The following TOGARAM2 variants were observed in gnomAD, a reference collection of about 807,000 sequenced individuals.
The protein encoded by TOGARAM2 is TOG array regulator of axonemal microtubules 2.
Under a neutral mutation model 93.3 loss-of-function variants are expected in TOGARAM2, and 85 were observed. The ratio of observed to expected loss-of-function variants is 0.91; its 90% CI spans 0.76 to 1.09. The LOEUF is 1.09. TOGARAM2 is among the 50% of genes least tolerant of loss of function. The pLI, the probability that TOGARAM2 is intolerant of heterozygous loss-of-function variation, is 0.00. For synonymous variants in TOGARAM2, 593 were observed against 552.8 expected, an observed-to-expected ratio of 1.07 and a Z score of -1.02; for missense variants, 1,277 against 1,334.5, an observed-to-expected ratio of 0.96 and a Z score of 0.67.
chr2:29,029,221 G>A (rs1307263382), intron 14 of TOGARAM2, among the ~76,000 whole-genome samples: 1 of 151,658 alleles, frequency 6.6e-6, no homozygotes, highest in East Asian at 1.9e-4. Context: ...ATCAATCAAC[G>A]AGTGGCTAAA....
chr2:29,036,075 T>A (rs1168004991), intron 17 of TOGARAM2, among the ~76,000 whole-genome samples: 1 of 152,098 alleles, frequency 6.6e-6, no homozygotes, highest in East Asian at 1.9e-4. Flanking sequence ...TGCCTGCTTC[T>A]TGGTGGACTG....
In TOGARAM2 at chr2:29,048,535, C is replaced by T. The variant is rs997646349; in HGVS notation, c.2722+3125C>T. ...CCCAGTCCCTGGCAACCACCAACTA[C>T]TTTCTGTCTCTACGATTTTGGCTAT... On this transcript the variant is annotated intron_variant, in intron 19 of 19. Transcript: ENST00000379558. The T allele has an allele frequency of 3.3e-5, 5 of 152,170 alleles. No homozygotes were observed. In the East Asian group the frequency reaches 5.8e-4, roughly 18 times the overall value. The allele number at this position is 152,170 out of a possible 1,614,324, so 9.4% of individuals were successfully genotyped here.
upstream of TOGARAM2, among the ~76,000 whole-genome samples, chr2:28,977,430 TA>T (rs1672053500): frequency 6.6e-6 from 1 of 152,092 alleles, no homozygotes; most frequent in Non-Finnish European, 1.5e-5. Flanking sequence ...TCCTGGTTTA[TA>T]AGGGGGCAAC....
Position 29,029,619 on chromosome 2 carries a change from G to A in TOGARAM2, c.2012+2608G>A, listed in dbSNP as rs371074266. Among the ~76,000 whole-genome samples, 4 of 150,058 alleles carry A rather than the reference G, an allele frequency of 2.7e-5. No individual in the cohort carries two copies. In the East Asian group the frequency reaches 5.8e-4, roughly 22 times the overall value. On this transcript the variant is annotated intron_variant, in intron 14 of 19. Coordinates refer to ENST00000379558, the MANE Select transcript of TOGARAM2 (RefSeq NM_199280.4). ...AAAATACAAAAAATTAGCCAGGTGT[G>A]GTGGCGGGTGCCTGTAGTCCCAGCT...
chr2:29,046,936 CCTT>C (rs1238195855), intron 19 of TOGARAM2: 1 of 152,676 alleles, frequency 6.5e-6, no homozygotes, highest in African/African-American at 2.4e-5. Context: ...TCTGGCATTA[CCTT>C]CTCCCTGTGT....
chr2:28,995,843 G>A (rs920104949), intron 2 of TOGARAM2, among the ~76,000 whole-genome samples: 3 of 152,226 alleles, frequency 2.0e-5, no homozygotes, highest in Non-Finnish European at 4.4e-5. Flanking sequence ...TTCCACCTGC[G>A]TGGTGGCTTC....
chr2:28,978,167 A>G (rs1171702858), upstream of TOGARAM2, among the ~76,000 whole-genome samples: 4 of 152,088 alleles, frequency 2.6e-5, no homozygotes. Context: ...TTGGCCTCCT[A>G]AAGTGCTGGG....
Position 29,006,211 on chromosome 2 carries a change from TTGTG to T in TOGARAM2, c.830+2536_830+2539del, listed in dbSNP as rs1210870350. 2.8e-4 allele frequency among the ~76,000 whole-genome samples: 37 copies of T among 131,984 alleles called. 1 individual carries two copies. The highest frequency in any genetic ancestry group is 3.3e-4 in the Non-Finnish European group (20 of 61,130). 86.6% of individuals were successfully genotyped at this position (131,984 alleles called of 152,430 possible). ...TGTGCATGTGTGTGAGTGCATGTGTTTGTGTGTGTGACTGTGTGTGAAGCCATTT... is the reference window on the plus strand; with the variant it reads ...TGTGCATGTGTGTGAGTGCATGTGTTTGTGTGACTGTGTGTGAAGCCATTT... On this transcript the variant is annotated intron_variant, in intron 6 of 19. Transcript: ENST00000379558.
At chr2:28,971,464 G>T (rs1318612425) in intron 1 of TOGARAM2, among the ~76,000 whole-genome samples, 1 of 151,956 alleles carries the variant, frequency 6.6e-6, no homozygotes, top group Admixed American at 6.6e-5. Context: ...CTCCTGCCTC[G>T]GCCTCCCAAA....
chr2:29,036,321 G>C (rs1352327594), intron 17 of TOGARAM2, among the ~76,000 whole-genome samples: 2 of 152,186 alleles, frequency 1.3e-5, no homozygotes, highest in African/African-American at 4.8e-5. Context: ...TGGACACTTG[G>C]CATGCAATGA....
chr2:28,984,528 C>T (rs1430173580), intron 1 of TOGARAM2, among the ~76,000 whole-genome samples: 1 of 152,200 alleles, frequency 6.6e-6, no homozygotes, highest in East Asian at 1.9e-4. Flanking sequence ...TTCCTAGTCC[C>T]TTCTGATCCT....
intron 8 of TOGARAM2, 134 bp downstream of exon 8, chr2:29,014,695 C>A (rs759516310): frequency 5.9e-6 from 7 of 1,186,068 alleles, no homozygotes; most frequent in African/African-American, 1.5e-5. Flanking sequence ...AGGCAGCCAC[C>A]CAAGTACTAA....
chr2:29,012,258 G>T (rs2148324453), intron 7 of TOGARAM2, among the ~76,000 whole-genome samples: 1 of 152,298 alleles, frequency 6.6e-6, no homozygotes, highest in South Asian at 2.1e-4. Context: ...CCGGCAGGAG[G>T]GGTGGCCTCC....
Position 29,006,403 on chromosome 2 carries a change from CAT to C in TOGARAM2, c.830+2722_830+2723del, listed in dbSNP as rs1663868298. Among the ~76,000 whole-genome samples the C allele has an allele frequency of 4.4e-5, 5 of 113,180 alleles. No individual in the cohort carries two copies. In the South Asian group the frequency reaches 1.7e-3, roughly 37 times the overall value. The allele number at this position is 113,180 out of a possible 152,430, so 74.3% of individuals were successfully genotyped here. A position where few individuals can be genotyped will look rare whatever the true frequency, so the allele number is the denominator to read the frequency against. On this transcript the variant is annotated intron_variant, in intron 6 of 19. Transcript: ENST00000379558. ...GTGTGTGAGTGCGTGTGTGTGAGTG[CAT>C]GTGTGTTCATGTGTATCTGTGTGTG...
At chr2:29,002,389 A>G in intron 4 of TOGARAM2, 147 bp from the exon 5 acceptor site, 1 of 668,678 alleles carries the variant, frequency 1.5e-6, no homozygotes, top group Non-Finnish European at 2.5e-6. Flanking sequence ...TCAGTCTACC[A>G]GTGGTGGGGT....
At chr2:29,025,183 C>T (rs1011747346) in intron 13 of TOGARAM2, among the ~76,000 whole-genome samples, 2 of 152,102 alleles carry the variant, frequency 1.3e-5, no homozygotes, top group Non-Finnish European at 2.9e-5. Context: ...GCCACATTGC[C>T]TGGGTTCACA....
chr2:29,042,710 T>C (rs1358511865), intron 18 of TOGARAM2, among the ~76,000 whole-genome samples: 1 of 152,196 alleles, frequency 6.6e-6, no homozygotes, highest in African/African-American at 2.4e-5. Flanking sequence ...ACTCTTTCCC[T>C]CTGGGCACAA....
intron 19 of TOGARAM2, chr2:29,048,091 C>G (rs766841142): frequency 6.6e-6 from 1 of 152,044 alleles, no homozygotes; most frequent in Non-Finnish European, 1.5e-5. Flanking sequence ...GCTGGGGAGG[C>G]CTCACAATCA....
chr2:29,045,437 C>CCCCCACAACAGGG, intron 19 of TOGARAM2, 27 bp downstream of exon 19: 1 of 1,589,542 alleles, frequency 6.3e-7, no homozygotes, highest in Non-Finnish European at 8.6e-7. Context: ...CCACCCCACC[C>CCCCCACAACAGGG]CATCTCCTGG....
Sources: gnomAD v4.1 joint callset for allele counts (sites outside exome capture counted in the v4.1 genomes callset) on GRCh38, gnomAD v4.1.1 for gene constraint, MANE v1.5 for transcripts, NCBI Gene and HGNC (gene_info 2026-07-23, HGNC 2026-07-21) for gene names.